FGD6: variants seen among roughly 807,000 people sequenced by gnomAD.
The protein encoded by FGD6 is FYVE, RhoGEF and PH domain containing 6.
In FGD6, 90 loss-of-function variants were observed where a neutral mutation model predicts 149.4. The observed-to-expected ratio is 0.60, with a 90% confidence interval of 0.51 to 0.72. The LOEUF is 0.72. Among genes scored for constraint, FGD6 ranks in the 30% least tolerant of loss-of-function variants. The probability of loss-of-function intolerance (pLI) is 0.00; values close to 1 mark genes in which losing one functional copy is unlikely to be tolerated. For missense variants in FGD6, 1,437 were observed against 1,684.8 expected, an observed-to-expected ratio of 0.85 and a Z score of 2.57; for synonymous variants, 527 against 584.0, an observed-to-expected ratio of 0.90 and a Z score of 1.41.
chr12:95,121,477 ATATG>A (rs1483646113), intron 8 of FGD6, among the ~76,000 whole-genome samples: 697 of 47,338 alleles, frequency 0.015, 13 homozygotes, highest in African/African-American at 0.071. Context: ...ATATATATAT[ATATG>A]TATATATATA....
chr12:95,193,978 C>A (rs79004981), intron 2 of FGD6, among the ~76,000 whole-genome samples: 1 of 151,970 alleles, frequency 6.6e-6, no homozygotes, highest in African/African-American at 2.4e-5. Flanking sequence ...CTGTCACCCA[C>A]GCTAGAATGC....
At chr12:95,118,212 A>C (rs1256649574) in intron 8 of FGD6, among the ~76,000 whole-genome samples, 2 of 151,962 alleles carry the variant, frequency 1.3e-5, no homozygotes, top group Non-Finnish European at 2.9e-5. Context: ...TTCACCAGGC[A>C]TGGTAGTGGG....
At chr12:95,136,679 C>T (rs1034953517) in intron 7 of FGD6, among the ~76,000 whole-genome samples, 2 of 152,116 alleles carry the variant, frequency 1.3e-5, no homozygotes, top group Non-Finnish European at 2.9e-5. Flanking sequence ...ATTTCCCATC[C>T]ATCATTGTAA....
intron 1 of FGD6, among the ~76,000 whole-genome samples, chr12:95,216,192 T>G (rs930320985): frequency 6.6e-6 from 1 of 152,220 alleles, no homozygotes; most frequent in East Asian, 1.9e-4. Context: ...TTAGAAATAA[T>G]ACAAATCAGA....
At chr12:95,169,677 C>T (rs999977359) in intron 3 of FGD6, among the ~76,000 whole-genome samples, 1 of 152,238 alleles carries the variant, frequency 6.6e-6, no homozygotes, top group Admixed American at 6.5e-5. Context: ...TTGGTCAGTG[C>T]TCCAAGAAGT....
chr12:95,094,462 T>C, intron 15 of FGD6, 130 bp downstream of exon 15: 1 of 628,056 alleles, frequency 1.6e-6, no homozygotes, highest in Admixed American at 3.0e-5. Flanking sequence ...CATTAATCTG[T>C]AGAGTAACTC....
intron 6 of FGD6, among the ~76,000 whole-genome samples, chr12:95,139,860 C>T (rs1879793358): frequency 6.6e-6 from 1 of 152,064 alleles, no homozygotes; most frequent in Non-Finnish European, 1.5e-5. Flanking sequence ...TGGTCTCGAG[C>T]TCCTGACCTC....
intron 14 of FGD6, chr12:95,100,966 G>A (rs1878407756): frequency 2.7e-6 from 1 of 370,034 alleles, no homozygotes; most frequent in African/African-American, 2.1e-5. Flanking sequence ...GAACTTGGAT[G>A]AGATTCACGG....
chr12:95,164,358 C>T (rs1880735571), intron 3 of FGD6, among the ~76,000 whole-genome samples: 1 of 151,612 alleles, frequency 6.6e-6, no homozygotes, highest in African/African-American at 2.4e-5. Context: ...TCTCCTGCCT[C>T]AGCAGCTTTG....
chr12:95,094,329 G>A (rs374975522), intron 15 of FGD6, among the ~76,000 whole-genome samples: 235 of 152,156 alleles, frequency 1.5e-3, no homozygotes, highest in Middle Eastern at 0.014. Context: ...AAACTGTTTC[G>A]TATTTTCTAA....
intron 2 of FGD6, among the ~76,000 whole-genome samples, chr12:95,204,082 G>T (rs1461075249): frequency 6.6e-6 from 1 of 152,136 alleles, no homozygotes; most frequent in African/African-American, 2.4e-5. Context: ...ACATTTCAAG[G>T]AAGAGGTCTC....
intron 8 of FGD6, chr12:95,126,191 T>A: frequency 2.6e-6 from 3 of 1,139,172 alleles, no homozygotes; most frequent in Non-Finnish European, 2.6e-6. Flanking sequence ...AAAAAGCACC[T>A]GTTGCTAAGG....
At chr12:95,207,415 A>C (rs1191053180) in intron 2 of FGD6, among the ~76,000 whole-genome samples, 1 of 152,212 alleles carries the variant, frequency 6.6e-6, no homozygotes, top group Non-Finnish European at 1.5e-5. Context: ...CTATGTGCCA[A>C]GTATTTTCTA....
chr12:95,162,342 G>A (rs574321123), intron 3 of FGD6, among the ~76,000 whole-genome samples: 2 of 152,210 alleles, frequency 1.3e-5, no homozygotes, highest in South Asian at 2.1e-4. Flanking sequence ...GGCCAACATG[G>A]TGTAACCCTG....
At chr12:95,116,788 T>G (rs1249321604) in intron 8 of FGD6, 2 of 455,494 alleles carry the variant, frequency 4.4e-6, no homozygotes, top group African/African-American at 4.0e-5. Flanking sequence ...ATCCATCCAT[T>G]CATGTTTTTA....
intron 2 of FGD6, among the ~76,000 whole-genome samples, chr12:95,192,280 G>A (rs768117080): frequency 2.0e-5 from 3 of 152,134 alleles, no homozygotes; most frequent in Non-Finnish European, 2.9e-5. Context: ...GGGAAGCAGA[G>A]GGAGGTTAAC....
chr12:95,113,746 A>G lies in FGD6; in HGVS notation c.3083-45T>C, dbSNP rs374018773. 6.7e-5 allele frequency: 84 copies of G among 1,251,114 alleles called. No individual in the cohort carries two copies. In the African/African-American group the frequency reaches 1.1e-3, roughly 17 times the overall value. The allele number at this position is 1,251,114 out of a possible 1,614,324, so 77.5% of individuals were successfully genotyped here. A position where few individuals can be genotyped will look rare whatever the true frequency, so the allele number is the denominator to read the frequency against. Reference sequence around the variant, plus strand: ...AGTATTTAAGTACAATAAACCAGTGAGCCCCAAACACATATCTTTCTTTTT... The same window carrying G: ...AGTATTTAAGTACAATAAACCAGTGGGCCCCAAACACATATCTTTCTTTTT... On this transcript the variant is annotated intron_variant, in intron 8 of 20. Coordinates refer to ENST00000343958, the MANE Select transcript of FGD6 (RefSeq NM_018351.4).
At chr12:95,123,067 C>A (rs6538598) in intron 8 of FGD6, among the ~76,000 whole-genome samples, 2 of 150,442 alleles carry the variant, frequency 1.3e-5, no homozygotes. Context: ...AAAAAAAAAG[C>A]GATCTTTCTG....
At chr12:95,097,024 A>T (rs1373508449) in intron 14 of FGD6, among the ~76,000 whole-genome samples, 1 of 152,194 alleles carries the variant, frequency 6.6e-6, no homozygotes, top group African/African-American at 2.4e-5. Context: ...AATGTGATTC[A>T]ACTGTGTAAA....
Sources: allele counts gnomAD v4.1 joint callset (sites outside exome capture counted in the v4.1 genomes callset), GRCh38; gene constraint gnomAD v4.1.1; transcripts MANE v1.5; gene names NCBI Gene and HGNC (gene_info 2026-07-23, HGNC 2026-07-21).